The following GSE1 variants were observed in gnomAD, a reference collection of about 807,000 sequenced individuals.
The protein encoded by GSE1 is genetic suppressor element 1.
GSE1 carries 32 observed loss-of-function variants against 112.6 expected under a neutral mutation model. That is an observed-to-expected ratio of 0.28 (90% CI 0.21 to 0.38). GSE1 has a LOEUF of 0.38. Among genes scored for constraint, GSE1 ranks in the 10% least tolerant of loss-of-function variants. The pLI is 1.00. For synonymous variants in GSE1, 1,115 were observed against 735.6 expected, an observed-to-expected ratio of 1.52 and a Z score of -8.35; for missense variants, 2,348 against 1,699.2, an observed-to-expected ratio of 1.38 and a Z score of -6.71.
chr16:85,457,754 G>T (rs765611995), intron 2 of GSE1, among the ~76,000 whole-genome samples: 11 of 152,256 alleles, frequency 7.2e-5, no homozygotes, highest in Admixed American at 7.2e-4. Context: ...GTGGCAGGCT[G>T]TAGGGGTGGA....
At position 85,572,460 on chromosome 16, in the gene GSE1, AC is replaced by A. The variant is rs796402793; in HGVS notation, c.37+16098del. 2.8e-3 allele frequency among the ~76,000 whole-genome samples: 310 copies of A among 108,894 alleles called. 3 individuals carry two copies. The highest frequency in any genetic ancestry group is 9.4e-3 in the African/African-American group (304 of 32,358). The allele number at this position is 108,894 out of a possible 152,430, so 71.4% of individuals were successfully genotyped here. ...ATACAACACACAGCACATACCACACACACAACACACATCACACACACCACAT... is the reference window on the plus strand; with the variant it reads ...ATACAACACACAGCACATACCACACAACAACACACATCACACACACCACAT... On this transcript the variant is annotated intron_variant, in intron 1 of 2. Transcript: ENST00000635906.
At chr16:85,488,997 G>A (rs935445010) in intron 2 of GSE1, among the ~76,000 whole-genome samples, 5 of 152,028 alleles carry the variant, frequency 3.3e-5, no homozygotes, top group African/African-American at 1.2e-4. Flanking sequence ...CGCTCCATGA[G>A]GCAACATGGT....
intron 2 of GSE1, among the ~76,000 whole-genome samples, chr16:85,487,997 G>A (rs2050896048): frequency 6.6e-6 from 1 of 152,198 alleles, no homozygotes; most frequent in Non-Finnish European, 1.5e-5. Flanking sequence ...AGCAGTGGTA[G>A]CCCCACTGCC....
At chr16:85,596,598 A>T (rs1482558332) in intron 1 of GSE1, among the ~76,000 whole-genome samples, 1 of 152,252 alleles carries the variant, frequency 6.6e-6, no homozygotes, top group Admixed American at 6.5e-5. Context: ...AGTAGCCACT[A>T]TCTATTTATG....
At chr16:85,359,768 G>A (rs1040817838) in intron 2 of GSE1, among the ~76,000 whole-genome samples, 3 of 152,106 alleles carry the variant, frequency 2.0e-5, no homozygotes, top group African/African-American at 7.2e-5. Context: ...TGGCTCCCGC[G>A]CCGAACTCAC....
chr16:85,352,765 G>C (rs887377338), intron 1 of GSE1, among the ~76,000 whole-genome samples: 3 of 152,152 alleles, frequency 2.0e-5, no homozygotes, highest in Non-Finnish European at 4.4e-5. Context: ...ACAGCCTTGC[G>C]TGTCCATTAA....
chr16:85,543,745 T>C (rs1026824786), intron 2 of GSE1, among the ~76,000 whole-genome samples: 5 of 152,168 alleles, frequency 3.3e-5, no homozygotes, highest in Non-Finnish European at 5.9e-5. Context: ...CTAAAACTTG[T>C]GTCACCCAGC....
At chr16:85,351,440 G>C (rs972506350) in intron 1 of GSE1, among the ~76,000 whole-genome samples, 7 of 152,308 alleles carry the variant, frequency 4.6e-5, no homozygotes, top group East Asian at 1.9e-4. Context: ...GTCCAGAAAT[G>C]ACATTTGTAT....
At chr16:85,434,933 T>C (rs960490383) in intron 2 of GSE1, among the ~76,000 whole-genome samples, 1 of 152,226 alleles carries the variant, frequency 6.6e-6, no homozygotes, top group African/African-American at 2.4e-5. Flanking sequence ...AGCCTTTCCC[T>C]GTCCCCTCCC....
In GSE1 at chr16:85,334,983, C is replaced by T. The variant is rs74880819; in HGVS notation, c.2284-22480C>T. Among the ~76,000 whole-genome samples, 1,502 of 152,312 alleles carry T rather than the reference C, an allele frequency of 9.9e-3. 7 individuals are homozygous for T. The highest frequency in any genetic ancestry group is 0.015 in the Non-Finnish European group (1,045 of 68,026). ...ACCAGGCACTTCCTCCCTCACCTCCCGCCACCCCTGGAAGCCCCAGACCCC... is the reference window on the plus strand; with the variant it reads ...ACCAGGCACTTCCTCCCTCACCTCCTGCCACCCCTGGAAGCCCCAGACCCC... On this transcript the variant is annotated intron_variant, in intron 1 of 2. Transcript: ENST00000637419.
chr16:85,436,246 C>T (rs150983554), intron 2 of GSE1, among the ~76,000 whole-genome samples: 87 of 152,312 alleles, frequency 5.7e-4, no homozygotes, highest in African/African-American at 2.0e-3. Flanking sequence ...CAAAGCAGCC[C>T]GTGAAGGTAT....
chr16:85,483,992 G>A (rs771493948), intron 2 of GSE1, among the ~76,000 whole-genome samples: 6 of 152,198 alleles, frequency 3.9e-5, no homozygotes, highest in African/African-American at 9.7e-5. Flanking sequence ...GACCCTCCCC[G>A]AGAGGTGCGT....
In GSE1 at chr16:85,668,379, C is replaced by G. The variant is rs2152002012; in HGVS notation, c.3370C>G (p.Gln1124Glu). ...DEEEVPKRKWQGIEAVFEAYQ... is the reference protein window; with the variant it reads ...DEEEVPKRKWEGIEAVFEAYQ... ...GGAGGAAGTCCCCAAGCGCAAGTGG[C>G]AAGGGATCGAGGCCGTTTTTGAAGC... Residue 1124 changes from glutamine (Q) to glutamate (E), a missense_variant, in exon 14 of 16, where the codon CAA becomes GAA. Physicochemically the swap from Gln to Glu is conservative, Grantham distance 29. Transcript: ENST00000253458. 6.2e-7 allele frequency: 1 copy of G among 1,612,504 alleles called. No individual in the cohort carries two copies. The highest frequency in any genetic ancestry group is 8.5e-7 in the Non-Finnish European group (1 of 1,179,738).
chr16:85,462,978 T>A, intron 2 of GSE1: 1 of 351,866 alleles, frequency 2.8e-6, no homozygotes, highest in Non-Finnish European at 4.0e-6. Context: ...TCCGGGCCCG[T>A]CTTCTGCCGC....
At chr16:85,661,893 G>C (rs1375363137) in intron 9 of GSE1, 128 bp downstream of exon 9, 15 of 906,938 alleles carry the variant, frequency 1.7e-5, no homozygotes, top group Non-Finnish European at 3.2e-6. Flanking sequence ...CCAGGCCCCA[G>C]GTGGCAAGTG....
intron 1 of GSE1, among the ~76,000 whole-genome samples, chr16:85,238,599 C>G (rs554002071): frequency 1.3e-5 from 2 of 152,298 alleles, no homozygotes; most frequent in Admixed American, 1.3e-4. Flanking sequence ...CCGCCAGCCT[C>G]TGCACTCCCC....
intron 12 of GSE1, 151 bp from the exon 13 acceptor site, chr16:85,665,825 T>C: frequency 1.5e-6 from 1 of 673,230 alleles, no homozygotes; most frequent in Non-Finnish European, 2.6e-6. Context: ...AATAGCCATG[T>C]GCGCGGCGGT....
rs1215893630 is a variant in GSE1, at chr16:85,556,152, G to GA, written c.-172dup. ...TGATCATCTTGCGGGGCGGGGGGGG[G>GA]AAAGACTGATTTTTTTTTTTCGTCG... On this transcript the variant is annotated 5_prime_UTR_variant, in exon 1 of 3. Transcript: ENST00000635906. 3.9e-5 allele frequency: 31 copies of GA among 800,186 alleles called. No homozygotes were observed. The Admixed American group carries it at 9.0e-4, about 23-fold the overall frequency. The allele number at this position is 800,186 out of a possible 1,614,324, so 49.6% of individuals were successfully genotyped here. A position where few individuals can be genotyped will look rare whatever the true frequency, so the allele number is the denominator to read the frequency against.
chr16:85,664,566 G>A (rs1421636282), intron 11 of GSE1: 1 of 156,210 alleles, frequency 6.4e-6, no homozygotes, highest in East Asian at 1.9e-4. Context: ...GGGATCTGCT[G>A]CGTGGAACAT....
Sources: gnomAD v4.1 joint callset for allele counts (sites outside exome capture counted in the v4.1 genomes callset) on GRCh38, gnomAD v4.1.1 for gene constraint, MANE v1.5 for transcripts, NCBI Gene and HGNC (gene_info 2026-07-23, HGNC 2026-07-21) for gene names.